The following ABCC9 variants were observed in gnomAD, a reference collection of about 807,000 sequenced individuals.
ABCC9 encodes ATP binding cassette subfamily C member 9.
ABCC9 carries 95 observed loss-of-function variants against 188.3 expected under a neutral mutation model. The observed-to-expected ratio is 0.50, with a 90% CI of 0.43 to 0.60. The LOEUF (loss-of-function observed/expected upper bound fraction) is 0.60. ABCC9 is among the 20% of genes least tolerant of loss of function. The pLI, the probability that ABCC9 is intolerant of heterozygous loss-of-function variation, is 0.00. For synonymous variants in ABCC9, 659 were observed against 652.7 expected (o/e 1.01, Z -0.15); for missense variants, 1,102 against 1,876.3 (o/e 0.59, Z 7.62).
In ABCC9 at chr12:21,852,228, G is replaced by A. The variant is rs1452002758; in HGVS notation, c.2644-6C>T. The stretch of plus-strand genomic sequence containing the variant: ...CCATCTTTCATGGCTATGATCTAAG[G>A]AAAGCGGATATTCCCAGAAATGTGA... On this transcript the variant is annotated splice_region_variant and splice_polypyrimidine_tract_variant and intron_variant, in intron 23 of 39. Transcript: ENST00000261200. 2 of 1,613,764 alleles carry A rather than the reference G, an allele frequency of 1.2e-6. No homozygotes were observed. Among genetic ancestry groups the A allele is most frequent in the Non-Finnish European group, 1.7e-6 (2 of 1,179,918 alleles).
chr12:21,859,623 G>A lies in ABCC9; in HGVS notation c.2468C>T (p.Ala823Val). 1.2e-6 allele frequency: 2 copies of A among 1,613,918 alleles called. No homozygotes were observed. The highest frequency in any genetic ancestry group is 1.7e-6 in the Non-Finnish European group (2 of 1,179,872). ...GTTGGTGTTTTGATACAGCGCTCGT[G>A]CCACACAGATTCTCTGCCTCTGTCC... ...SGGQRQRICV[A>V]RALYQNTNIV... The change falls in exon 22 of 40, where the codon GCA (alanine) becomes GTA (valine). Residue 823 changes from alanine (A) to valine (V), a missense_variant. Around this residue, in one of 12 missense-constraint regions of ABCC9, gnomAD observed 31 missense variants for 78.8 expected, o/e 0.39. Coordinates refer to ENST00000261200, the MANE Select transcript of ABCC9 (RefSeq NM_020297.4).
At chr12:21,905,382 G>A (rs533548506) in intron 12 of ABCC9, among the ~76,000 whole-genome samples, 4 of 151,536 alleles carry the variant, frequency 2.6e-5, no homozygotes, top group African/African-American at 7.3e-5. Flanking sequence ...CCTGCACATT[G>A]TGCACATGTA....
intron 11 of ABCC9, among the ~76,000 whole-genome samples, chr12:21,906,552 A>T (rs541311751): frequency 6.6e-6 from 1 of 152,178 alleles, no homozygotes; most frequent in African/African-American, 2.4e-5. Context: ...GCTAAAAACA[A>T]TTTTCTAAAG....
At chr12:21,930,569 C>T (rs950615176) in intron 4 of ABCC9, among the ~76,000 whole-genome samples, 10 of 152,126 alleles carry the variant, frequency 6.6e-5, no homozygotes, top group African/African-American at 2.2e-4. Flanking sequence ...CACAGAATTA[C>T]AGGCCAGTGG....
chr12:21,845,077 C>T (rs570834121), intron 26 of ABCC9, among the ~76,000 whole-genome samples, 162 bp from the exon 27 acceptor site: 44 of 152,146 alleles, frequency 2.9e-4, no homozygotes, highest in Admixed American at 1.5e-3. Flanking sequence ...GGGTAGTATC[C>T]CCACCATAAT....
intron 22 of ABCC9, among the ~76,000 whole-genome samples, chr12:21,856,153 T>A (rs73074913): frequency 1.3e-5 from 2 of 152,150 alleles, no homozygotes; most frequent in South Asian, 2.1e-4. Flanking sequence ...ATGGTGGGGA[T>A]TTGTGATTTT....
At chr12:21,923,319 C>T (rs1948911677) in intron 5 of ABCC9, 1 of 150,732 alleles carries the variant, frequency 6.6e-6, no homozygotes, top group Admixed American at 6.6e-5. Flanking sequence ...ATCTTCTGCT[C>T]ATTAAAAGAC....
Position 21,817,309 on chromosome 12 carries a change from T to C in ABCC9, c.3772-2A>G. Reference sequence around the variant, plus strand: ...AACCCAATTCAAATAATTGGTTATCTGTGTCAGGTGATTAAAAAAATTGTT... The same window carrying C: ...AACCCAATTCAAATAATTGGTTATCCGTGTCAGGTGATTAAAAAAATTGTT... On this transcript the variant is annotated splice_acceptor_variant, in intron 32 of 39. Transcript: ENST00000261200. LOFTEE classifies it high-confidence loss of function. The C allele has an allele frequency of 6.2e-7, 1 of 1,613,438 alleles. No individual in the cohort carries two copies.
intron 5 of ABCC9, 22 bp from the exon 6 acceptor site, chr12:21,917,125 G>A: frequency 6.2e-7 from 1 of 1,611,718 alleles, no homozygotes; most frequent in Non-Finnish European, 8.5e-7. Context: ...AAGACAAAAA[G>A]AGAAAGATGC....
chr12:21,897,394 G>A (rs777072214), intron 12 of ABCC9, among the ~76,000 whole-genome samples: 2 of 152,102 alleles, frequency 1.3e-5, no homozygotes, highest in African/African-American at 2.4e-5. Context: ...TTCTTTTGCT[G>A]TATTTTCACC....
intron 4 of ABCC9, among the ~76,000 whole-genome samples, chr12:21,926,611 C>A (rs1278095732): frequency 6.6e-6 from 1 of 152,142 alleles, no homozygotes; most frequent in Non-Finnish European, 1.5e-5. Context: ...GAAATTACAA[C>A]ACAGCTGAAG....
At chr12:21,832,766 T>G (rs1343595621) in intron 30 of ABCC9, among the ~76,000 whole-genome samples, 2 of 152,112 alleles carry the variant, frequency 1.3e-5, no homozygotes, top group Non-Finnish European at 2.9e-5. Flanking sequence ...GCAAACCCAC[T>G]AGTAGGTATC....
chr12:21,865,818 C>T (rs1945747611), intron 18 of ABCC9, among the ~76,000 whole-genome samples: 1 of 152,064 alleles, frequency 6.6e-6, no homozygotes, highest in Non-Finnish European at 1.5e-5. Flanking sequence ...TAGTGCCACA[C>T]GTTAGAGATA....
chr12:21,810,537 G>A (rs1306856563), intron 36 of ABCC9, among the ~76,000 whole-genome samples: 1 of 152,126 alleles, frequency 6.6e-6, no homozygotes, highest in Non-Finnish European at 1.5e-5. Flanking sequence ...CATGGTGGCA[G>A]GAGAGAGAAG....
intron 22 of ABCC9, among the ~76,000 whole-genome samples, chr12:21,854,468 C>T (rs886542560): frequency 6.6e-6 from 1 of 152,196 alleles, no homozygotes; most frequent in African/African-American, 2.4e-5. Flanking sequence ...ATGATATAAT[C>T]AGTGTCCTCA....
intron 5 of ABCC9, chr12:21,924,480 G>A (rs1413502734): frequency 6.6e-6 from 1 of 151,970 alleles, no homozygotes; most frequent in Non-Finnish European, 1.5e-5. Flanking sequence ...TATCTTTGTG[G>A]TCTTAAAATG....
intron 13 of ABCC9, 61 bp downstream of exon 13, chr12:21,895,214 C>T: frequency 6.9e-7 from 1 of 1,451,196 alleles, no homozygotes; most frequent in Non-Finnish European, 9.7e-7. Context: ...CATTCTTGCT[C>T]ATAAATCATT....
intron 33 of ABCC9, 144 bp downstream of exon 33, chr12:21,817,043 C>T: frequency 2.3e-6 from 2 of 862,074 alleles, no homozygotes; most frequent in African/African-American, 1.7e-5. Context: ...TTCCGGTGTA[C>T]ATAATCAAGC....
chr12:21,890,982 TTAAAAAA>T (rs1947133686), intron 14 of ABCC9, among the ~76,000 whole-genome samples: 3 of 151,620 alleles, frequency 2.0e-5, no homozygotes, highest in South Asian at 2.1e-4. Context: ...ATAATAAAAT[TTAAAAAA>T]AAAAATCTTT....
Sources: allele counts gnomAD v4.1 joint callset (sites outside exome capture counted in the v4.1 genomes callset), GRCh38; gene constraint gnomAD v4.1.1; regional missense constraint gnomAD v4.1.1; transcripts MANE v1.5; gene names NCBI Gene and HGNC (gene_info 2026-07-23, HGNC 2026-07-21).